The following CRACD variants were observed in gnomAD, a reference collection of about 807,000 sequenced individuals.
CRACD encodes the protein capping protein-inhibiting regulator of actin dynamics.
Under a neutral mutation model 106.8 loss-of-function variants are expected in CRACD, and 56 were observed. The observed-to-expected ratio is 0.52, with a 90% CI of 0.42 to 0.66. The LOEUF (loss-of-function observed/expected upper bound fraction) is 0.66, where lower values mean the gene tolerates loss of function less well. Ranked by LOEUF, CRACD falls within the 30% of genes least tolerant of loss-of-function variation. The pLI is 0.00. For synonymous variants in CRACD, 754 were observed against 670.8 expected (o/e 1.12, Z -1.92); for missense variants, 1,730 against 1,623.2 (o/e 1.07, Z -1.13).
chr4:56,251,073 T>G (rs376163196), intron 2 of CRACD, among the ~76,000 whole-genome samples: 86 of 152,336 alleles, frequency 5.6e-4, no homozygotes, highest in African/African-American at 1.9e-3. Context: ...GGTTCCAGAA[T>G]AGTCTTCTTC....
At chr4:56,077,066 C>T (rs1479189551) in intron 1 of CRACD, among the ~76,000 whole-genome samples, 1 of 152,172 alleles carries the variant, frequency 6.6e-6, no homozygotes, top group Non-Finnish European at 1.5e-5. Flanking sequence ...GGCCCCTTCA[C>T]ATTTGAACAG....
At chr4:56,207,745 C>CATATATATATATATATATAT (rs58423475) in intron 2 of CRACD, among the ~76,000 whole-genome samples, 1 of 106,170 alleles carries the variant, frequency 9.4e-6, no homozygotes, top group African/African-American at 4.0e-5. Flanking sequence ...CTTGTTTTCT[C>CATATATATATATATATATAT]ATATATATAT....
At position 56,327,707 on chromosome 4, in the gene CRACD, C is replaced by G. The variant is rs753638094; in HGVS notation, c.3605C>G (p.Thr1202Ser). Reference sequence around the variant, plus strand: ...AAAGAAGTCACCAAGAGGTTTTCCACCCCGGATGCTGCCCCCGTGTCAACA... The same window carrying G: ...AAAGAAGTCACCAAGAGGTTTTCCAGCCCGGATGCTGCCCCCGTGTCAACA... ...LVKEVTKRFS[T>S]PDAAPVSTEP... The change falls in exon 11 of 11, where the codon ACC becomes AGC. Residue 1202 changes from threonine (T) to serine (S), a missense_variant. Thr to Ser is a moderately conservative substitution (Grantham distance 58, BLOSUM62 1). Transcript: ENST00000682029. 6.2e-7 allele frequency: 1 copy of G among 1,614,056 alleles called. No homozygotes were observed. Among genetic ancestry groups the G allele is most frequent in the Non-Finnish European group, 8.5e-7 (1 of 1,180,026 alleles).
chr4:56,266,482 A>G (rs1742026624), intron 2 of CRACD, among the ~76,000 whole-genome samples: 2 of 152,222 alleles, frequency 1.3e-5, no homozygotes, highest in South Asian at 4.1e-4. Context: ...CAGCAAAAGT[A>G]AATTTTGTGT....
At chr4:56,087,854 T>C (rs111676601) in intron 1 of CRACD, among the ~76,000 whole-genome samples, 4 of 152,238 alleles carry the variant, frequency 2.6e-5, no homozygotes, top group African/African-American at 9.6e-5. Context: ...AAGGAGTGTG[T>C]CATCACTCTT....
intron 1 of CRACD, among the ~76,000 whole-genome samples, chr4:56,105,999 G>C (rs963913718): frequency 6.7e-6 from 1 of 150,292 alleles, no homozygotes; most frequent in African/African-American, 2.5e-5. Flanking sequence ...CTCTGTCTCC[G>C]TTAAAACCTG....
chr4:56,137,212 C>T (rs28407980), intron 1 of CRACD, among the ~76,000 whole-genome samples: 11,384 of 151,474 alleles, frequency 0.075, 549 homozygotes, highest in Admixed American at 0.14. Flanking sequence ...GTCAAGGTTG[C>T]GGTGAGCTGG....
At chr4:56,322,424 C>T (rs1036923728) in intron 8 of CRACD, among the ~76,000 whole-genome samples, 1 of 152,220 alleles carries the variant, frequency 6.6e-6, no homozygotes, top group Non-Finnish European at 1.5e-5. Flanking sequence ...GAGGTATTTA[C>T]CCCCAATTAC....
chr4:56,264,353 A>T (rs889437147), intron 2 of CRACD, among the ~76,000 whole-genome samples: 1 of 152,138 alleles, frequency 6.6e-6, no homozygotes, highest in Non-Finnish European at 1.5e-5. Context: ...ATAATCCTTA[A>T]AAAAAAGAGA....
At chr4:56,054,237 G>A (rs1461982258) in intron 1 of CRACD, among the ~76,000 whole-genome samples, 1 of 152,168 alleles carries the variant, frequency 6.6e-6, no homozygotes, top group Non-Finnish European at 1.5e-5. Context: ...CTGGAGTGCA[G>A]TGATGTAACC....
chr4:56,135,531 C>T (rs1013024820), intron 1 of CRACD, among the ~76,000 whole-genome samples: 1 of 152,210 alleles, frequency 6.6e-6, no homozygotes, highest in African/African-American at 2.4e-5. Flanking sequence ...TTATCAAATA[C>T]CTGCTCTGTT....
chr4:56,324,213 T>A lies in CRACD; in HGVS notation c.3488T>A (p.Leu1163His). 1 of 1,614,186 alleles carries A rather than the reference T, an allele frequency of 6.2e-7. No individual in the cohort carries two copies. ...AGGCCCGAGACTGCAGTGTCCAGGCTTGAGCGCAGAGAACAGCTGAAAAAG... is the reference window on the plus strand; with the variant it reads ...AGGCCCGAGACTGCAGTGTCCAGGCATGAGCGCAGAGAACAGCTGAAAAAG... Reference protein sequence around the residue: ...EKRPETAVSRLERREQLKKAN... With the variant: ...EKRPETAVSRHERREQLKKAN... The change falls in exon 10 of 11, where the codon CTT becomes CAT. Residue 1163 changes from leucine to histidine, a missense_variant. Transcript: ENST00000682029.
At chr4:56,160,087 G>A (rs1223305946) in intron 1 of CRACD, among the ~76,000 whole-genome samples, 2 of 151,342 alleles carry the variant, frequency 1.3e-5, no homozygotes, top group Non-Finnish European at 2.9e-5. Flanking sequence ...GGCCAAAAAT[G>A]ACTTTCATTG....
intron 2 of CRACD, among the ~76,000 whole-genome samples, chr4:56,218,720 G>T (rs145274322): frequency 6.6e-6 from 1 of 151,372 alleles, no homozygotes; most frequent in African/African-American, 2.4e-5. Flanking sequence ...CAATTCTCTC[G>T]CTTCAGCCCC....
intron 1 of CRACD, among the ~76,000 whole-genome samples, chr4:56,093,849 C>G (rs190944371): frequency 6.6e-6 from 1 of 152,146 alleles, no homozygotes; most frequent in African/African-American, 2.4e-5. Flanking sequence ...TTGGCAGAAA[C>G]GCAAAGGCCT....
At chr4:56,116,956 C>T (rs959770479) in intron 1 of CRACD, among the ~76,000 whole-genome samples, 7 of 151,784 alleles carry the variant, frequency 4.6e-5, no homozygotes, top group Non-Finnish European at 8.8e-5. Context: ...GATCCGCCCA[C>T]CTCTGCTTAC....
At chr4:56,316,826 C>A in intron 8 of CRACD, 137 bp downstream of exon 8, 1 of 1,096,278 alleles carries the variant, frequency 9.1e-7, no homozygotes, top group Non-Finnish European at 1.3e-6. Flanking sequence ...TATTAGAACG[C>A]TGCAGAACAA....
intron 1 of CRACD, among the ~76,000 whole-genome samples, chr4:56,103,050 C>T (rs868295001): frequency 2.0e-5 from 3 of 152,158 alleles, no homozygotes; most frequent in Admixed American, 2.0e-4. Flanking sequence ...AGTCGGAAAC[C>T]GAGTCTGTTT....
intron 1 of CRACD, among the ~76,000 whole-genome samples, chr4:56,062,959 G>A (rs1339293190): frequency 2.0e-5 from 3 of 152,202 alleles, no homozygotes; most frequent in South Asian, 2.1e-4. Context: ...AGTCCCTGTC[G>A]TAATGTGATT....
Sources: gnomAD v4.1 joint callset for allele counts (sites outside exome capture counted in the v4.1 genomes callset) on GRCh38, gnomAD v4.1.1 for gene constraint, MANE v1.5 for transcripts, NCBI Gene and HGNC (gene_info 2026-07-23, HGNC 2026-07-21) for gene names.